Variants in AGBL1 observed in about 807,000 individuals in gnomAD.
AGBL1 encodes the protein cytosolic carboxypeptidase 4.
In AGBL1, 130 loss-of-function variants were observed where a neutral mutation model predicts 118.9. The ratio of observed to expected loss-of-function variants is 1.09; its 90% CI spans 0.95 to 1.26. AGBL1 has a LOEUF of 1.26. AGBL1 is among the 50% of genes most tolerant of loss of function. The probability of loss-of-function intolerance (pLI) is 0.00; values close to 1 mark genes in which losing one functional copy is unlikely to be tolerated. For missense variants in AGBL1, 1,584 were observed against 1,298.1 expected (o/e 1.22, Z -3.38); for synonymous variants, 555 against 478.9 (o/e 1.16, Z -2.08).
intron 22 of AGBL1, among the ~76,000 whole-genome samples, chr15:86,858,463 G>GGTGT (rs3059715): frequency 0.18 from 25,903 of 147,026 alleles, 2,310 homozygotes; most frequent in Admixed American, 0.2. Context: ...CCTTTCAGGT[G>GGTGT]GTGTGTGTGT....
intron 17 of AGBL1, among the ~76,000 whole-genome samples, chr15:86,384,492 AC>A (rs773962084): frequency 1.3e-5 from 2 of 152,000 alleles, no homozygotes; most frequent in Non-Finnish European, 2.9e-5. Flanking sequence ...CTCAAACCCA[AC>A]CCAAATACTT....
At chr15:86,311,231 A>T (rs1266621420) in intron 17 of AGBL1, among the ~76,000 whole-genome samples, 1 of 152,186 alleles carries the variant, frequency 6.6e-6, no homozygotes, top group Non-Finnish European at 1.5e-5. Context: ...AAGAAATTCA[A>T]CATTTTTGTT....
chr15:86,483,176 T>C (rs970436034), intron 18 of AGBL1, among the ~76,000 whole-genome samples: 10 of 152,108 alleles, frequency 6.6e-5, no homozygotes, highest in African/African-American at 2.4e-4. Flanking sequence ...TGGCATGATC[T>C]GAGGGTGCAG....
Position 86,203,491 on chromosome 15 carries a change from G to A in AGBL1, c.489-21423G>A, listed in dbSNP as rs564181961. 3.9e-5 allele frequency among the ~76,000 whole-genome samples: 6 copies of A among 152,256 alleles called. No individual in the cohort carries two copies. In the South Asian group the frequency reaches 1.2e-3, roughly 32 times the overall value. ...GTATCTGTGTATTTCTCAAGTATAA[G>A]AAACTGTGGTGTTTCAGATGAGGAG... On this transcript the variant is annotated intron_variant, in intron 5 of 22. Coordinates refer to ENST00000614907, the MANE Select transcript of AGBL1 (RefSeq NM_001386094.1).
In AGBL1 at chr15:86,279,591, C is replaced by G. The variant is rs777151119; in HGVS notation, c.2076-48C>G. Reference sequence around the variant, plus strand: ...AGGACCCTAAATGACCCTGCACCCCCCTCCCACCTCTCCCTTATTCTCTTC... The same window carrying G: ...AGGACCCTAAATGACCCTGCACCCCGCTCCCACCTCTCCCTTATTCTCTTC... On this transcript the variant is annotated intron_variant, in intron 15 of 22. Transcript: ENST00000614907. The G allele has an allele frequency of 4.4e-6, 7 of 1,580,890 alleles. No individual in the cohort carries two copies. In the East Asian group the frequency reaches 1.1e-4, roughly 25 times the overall value.
intron 22 of AGBL1, among the ~76,000 whole-genome samples, chr15:86,829,670 T>C (rs1454214734): frequency 6.6e-6 from 1 of 152,148 alleles, no homozygotes; most frequent in Non-Finnish European, 1.5e-5. Context: ...TTGCATAGGA[T>C]TCTGGAAGAA....
intron 6 of AGBL1, among the ~76,000 whole-genome samples, chr15:86,228,171 T>A (rs373390107): frequency 5.9e-5 from 9 of 152,216 alleles, no homozygotes; most frequent in African/African-American, 1.4e-4. Context: ...ATTGCCTATA[T>A]GTCATGTATA....
intron 23 of AGBL1, among the ~76,000 whole-genome samples, chr15:86,938,421 A>G (rs1468623226): frequency 6.6e-6 from 1 of 152,204 alleles, no homozygotes; most frequent in African/African-American, 2.4e-5. Flanking sequence ...TAAAATAATC[A>G]TAGTAATTGC....
intron 23 of AGBL1, among the ~76,000 whole-genome samples, chr15:86,981,698 A>C (rs1222206942): frequency 2.0e-5 from 3 of 152,140 alleles, no homozygotes; most frequent in Non-Finnish European, 4.4e-5. Flanking sequence ...TGCTTGATTT[A>C]AATTGTTTTT....
intron 22 of AGBL1, among the ~76,000 whole-genome samples, chr15:86,854,515 T>C (rs1243091502): frequency 6.6e-6 from 1 of 152,142 alleles, no homozygotes; most frequent in East Asian, 1.9e-4. Context: ...ATTATGATGT[T>C]CATCTATGTC....
At chr15:86,677,186 A>G (rs1352925302) in intron 22 of AGBL1, among the ~76,000 whole-genome samples, 2 of 152,236 alleles carry the variant, frequency 1.3e-5, no homozygotes, top group African/African-American at 4.8e-5. Flanking sequence ...CCATAAAAAC[A>G]ATTAGAGTGT....
chr15:86,843,425 A>G (rs1478054605), intron 22 of AGBL1, among the ~76,000 whole-genome samples: 2 of 152,122 alleles, frequency 1.3e-5, no homozygotes, highest in African/African-American at 4.8e-5. Context: ...GTGTATGAAA[A>G]AGAGATAGGG....
At chr15:86,610,680 C>G (rs933559173) in intron 21 of AGBL1, among the ~76,000 whole-genome samples, 2 of 152,168 alleles carry the variant, frequency 1.3e-5, no homozygotes, top group African/African-American at 4.8e-5. Context: ...ACTTTGAATG[C>G]AAAAACTCTG....
chr15:86,253,746 TA>T (rs1240953587), intron 7 of AGBL1, among the ~76,000 whole-genome samples: 6 of 152,212 alleles, frequency 3.9e-5, no homozygotes, highest in African/African-American at 1.2e-4. Context: ...TTAATTGTAG[TA>T]AAATACATGC....
chr15:86,423,897 GGAAAAACAATCCATGTTCATGGATA>G (rs2081828968), intron 18 of AGBL1, among the ~76,000 whole-genome samples: 1 of 152,032 alleles, frequency 6.6e-6, no homozygotes. Context: ...ATAAACAAAT[GGAAAAACAATCCATGTTCATGGATA>G]GAAAGAACCA....
In AGBL1 at chr15:86,397,568, G is replaced by A. The variant is rs192544365; in HGVS notation, c.2555+22G>A. ...GCAAGTATGTCAGGCACCTGGCTCA[G>A]CCAAACCCACAATTATGCTACCACA... On this transcript the variant is annotated intron_variant, in intron 18 of 22. Transcript: ENST00000614907. 1.2e-5 allele frequency: 19 copies of A among 1,584,788 alleles called. No individual in the cohort carries two copies. The African/African-American group carries it at 2.1e-4, about 18-fold the overall frequency.
At chr15:86,980,871 G>A (rs1265808288) in intron 23 of AGBL1, among the ~76,000 whole-genome samples, 2 of 146,098 alleles carry the variant, frequency 1.4e-5, no homozygotes, top group African/African-American at 5.1e-5. Flanking sequence ...TATAAATAGT[G>A]CTTCAGAAAC....
rs370075617 is a variant in AGBL1 at position 86,753,533 on chromosome 15, G to A, written c.3158+79097G>A. On this transcript the variant is annotated intron_variant, in intron 22 of 22. Transcript: ENST00000614907. ...TTGCCTTAGCTTGCTGAGTTGCTAG[G>A]ATTACAGACACCCACCACCACACCC... Among the ~76,000 whole-genome samples the A allele has an allele frequency of 7.9e-5, 12 of 151,476 alleles. No homozygotes were observed. In the East Asian group the frequency reaches 9.8e-4, roughly 12 times the overall value.
At chr15:86,409,386 T>C (rs2081579324) in intron 18 of AGBL1, among the ~76,000 whole-genome samples, 1 of 152,150 alleles carries the variant, frequency 6.6e-6, no homozygotes, top group East Asian at 1.9e-4. Context: ...GTCATTTGCA[T>C]AGTGTTAAAT....
Sources: allele counts gnomAD v4.1 joint callset (sites outside exome capture counted in the v4.1 genomes callset), GRCh38; gene constraint gnomAD v4.1.1; transcripts MANE v1.5; gene names NCBI Gene and HGNC (gene_info 2026-07-23, HGNC 2026-07-21).